The following AFAP1L1 variants were observed in gnomAD, a reference collection of about 807,000 sequenced individuals.
The protein encoded by AFAP1L1 is actin filament-associated protein 1-like 1.
Under a neutral mutation model 99.8 loss-of-function variants are expected in AFAP1L1, and 77 were observed. The ratio of observed to expected loss-of-function variants is 0.77; its 90% CI spans 0.64 to 0.93. The LOEUF (loss-of-function observed/expected upper bound fraction) is 0.93. Ranked by LOEUF, AFAP1L1 falls within the 40% of genes least tolerant of loss-of-function variation. The probability of loss-of-function intolerance (pLI) is 0.00; values close to 1 mark genes in which losing one functional copy is unlikely to be tolerated. For synonymous variants in AFAP1L1, 373 were observed against 395.3 expected (o/e 0.94, Z 0.67); for missense variants, 893 against 996.8 (o/e 0.90, Z 1.40).
chr5:149,342,788 G>A lies in AFAP1L1; in HGVS notation c.*2758G>A, dbSNP rs570826645. On this transcript the variant is annotated 3_prime_UTR_variant, in exon 19 of 19. Coordinates refer to ENST00000296721, the MANE Select transcript of AFAP1L1 (RefSeq NM_152406.4). ...TTAGCTGGGCACGGTGGCACATGCC[G>A]GTAGTCCCAGCTACTTGGGAGGCTG... Among the ~76,000 whole-genome samples the A allele has an allele frequency of 7.9e-5, 12 of 152,268 alleles. No individual in the cohort carries two copies. Among genetic ancestry groups the A allele is most frequent in the South Asian group, 4.1e-4 (2 of 4,824 alleles).
intron 1 of AFAP1L1, among the ~76,000 whole-genome samples, chr5:149,280,680 A>G (rs1398238061): frequency 6.6e-6 from 1 of 152,188 alleles, no homozygotes; most frequent in Non-Finnish European, 1.5e-5. Flanking sequence ...GAAATGTCTC[A>G]TTTTATCTTT....
intron 9 of AFAP1L1, among the ~76,000 whole-genome samples, chr5:149,314,059 C>A (rs1345760034): frequency 6.6e-6 from 1 of 152,116 alleles, no homozygotes; most frequent in East Asian, 1.9e-4. Flanking sequence ...AAGACGGGCA[C>A]CTATGTTGAG....
intron 12 of AFAP1L1, 43 bp from the exon 13 acceptor site, chr5:149,319,539 G>A (rs748282241): frequency 6.4e-7 from 1 of 1,560,688 alleles, no homozygotes; most frequent in East Asian, 2.3e-5. Context: ...CAGGAGCCCT[G>A]ACAGTAGGAA....
At chr5:149,276,624 C>T (rs980649624) in intron 1 of AFAP1L1, 7 of 152,190 alleles carry the variant, frequency 4.6e-5, no homozygotes, top group African/African-American at 1.4e-4. Context: ...TAATACCTAG[C>T]ATAGGGGATC....
rs751769435 is a variant in AFAP1L1, at chr5:149,315,886, C to A, written c.1086C>A (p.Thr362=). The A allele has an allele frequency of 5.6e-6, 9 of 1,614,120 alleles. No homozygotes were observed. Among genetic ancestry groups the A allele is most frequent in the Non-Finnish European group, 7.6e-6 (9 of 1,180,012 alleles). The stretch of plus-strand genomic sequence containing the variant: ...TGGGTGTGGGTGACAACTGTTCTAC[C>A]CTTGGCCGCCGGGAGACCTGTGATC... ...DSVGVGDNCS[T]LGRRETCDHG... Residue 362 remains threonine (T), a synonymous_variant, in exon 10 of 19, where the codon ACC becomes ACA. Coordinates refer to ENST00000296721, the MANE Select transcript of AFAP1L1 (RefSeq NM_152406.4).
rs1262088034 is a variant in AFAP1L1, at chr5:149,320,195, T to C, written c.1626-196T>C. ...GAATTACCTGCCTTGCAGGTTGTTA[T>C]GAGAATCACATTGGTCCTGTCTGTG... On this transcript the variant is annotated intron_variant, in intron 13 of 18. Transcript: ENST00000296721. The surrounding 1 kb of genome is among the most constrained non-coding windows in gnomAD (Gnocchi z 4.0). Among the ~76,000 whole-genome samples, 1 of 152,232 alleles carries C rather than the reference T, an allele frequency of 6.6e-6. No individual in the cohort carries two copies.
chr5:149,315,701 A>G (rs1756770833), intron 9 of AFAP1L1, 120 bp from the exon 10 acceptor site: 1 of 813,422 alleles, frequency 1.2e-6, no homozygotes, highest in Non-Finnish European at 2.1e-6. Flanking sequence ...GTTGCTGACA[A>G]ACATTTGTTA....
At chr5:149,332,570 T>A in intron 16 of AFAP1L1, 125 bp from the exon 17 acceptor site, 1 of 1,023,774 alleles carries the variant, frequency 9.8e-7, no homozygotes, top group Non-Finnish European at 1.4e-6. Flanking sequence ...AGAGTCCATC[T>A]CTTAACCAAG....
chr5:149,285,335 A>G (rs192265882), intron 1 of AFAP1L1, among the ~76,000 whole-genome samples: 358 of 152,288 alleles, frequency 2.4e-3, no homozygotes, highest in Middle Eastern at 0.01. Context: ...CCGCAGCAAC[A>G]TTAGTAATCA....
chr5:149,313,582 C>T (rs1756704863), intron 9 of AFAP1L1, among the ~76,000 whole-genome samples: 1 of 151,238 alleles, frequency 6.6e-6, no homozygotes, highest in African/African-American at 2.5e-5. Context: ...GGATCCTGAG[C>T]ACCTGCTTGA....
chr5:149,304,209 T>G (rs1014468453), intron 5 of AFAP1L1: 6 of 152,212 alleles, frequency 3.9e-5, no homozygotes, highest in Admixed American at 3.3e-4. Context: ...CTTCTTTCCT[T>G]TCTATGGCTG....
chr5:149,288,004 C>T (rs1439547677), intron 1 of AFAP1L1, among the ~76,000 whole-genome samples: 1 of 152,194 alleles, frequency 6.6e-6, no homozygotes, highest in Non-Finnish European at 1.5e-5. Context: ...ATATCATCCA[C>T]ATACCCCTAG....
chr5:149,310,260 T>TAG, intron 8 of AFAP1L1, 125 bp downstream of exon 8: 1 of 1,225,634 alleles, frequency 8.2e-7, no homozygotes, highest in Non-Finnish European at 1.1e-6. Context: ...CCAAGTGCCC[T>TAG]CTGCGTGGCT....
chr5:149,326,097 C>T (rs114429064), intron 15 of AFAP1L1, among the ~76,000 whole-genome samples: 1,677 of 152,306 alleles, frequency 0.011, 14 homozygotes, highest in Admixed American at 0.021. Flanking sequence ...AAAGCTCTTC[C>T]TCGAAAGAAC....
chr5:149,274,435 C>G (rs1331566128), intron 1 of AFAP1L1, among the ~76,000 whole-genome samples: 2 of 152,186 alleles, frequency 1.3e-5, no homozygotes, highest in Non-Finnish European at 2.9e-5. Context: ...CAAAGGCCAT[C>G]TCAAGTAAAG....
intron 1 of AFAP1L1, among the ~76,000 whole-genome samples, chr5:149,277,427 T>C (rs1362667981): frequency 1.3e-5 from 2 of 152,332 alleles, no homozygotes; most frequent in East Asian, 3.9e-4. Flanking sequence ...TTCCCTACAG[T>C]GTCCATTGAC....
Position 149,312,060 on chromosome 5 carries a change from G to A in AFAP1L1, c.928-52G>A. 3.3e-6 allele frequency: 5 copies of A among 1,534,384 alleles called. No homozygotes were observed. The South Asian group carries it at 3.5e-5, about 11-fold the overall frequency. On this transcript the variant is annotated intron_variant, in intron 8 of 18. Transcript: ENST00000296721. ...ACCACACAGTCCCCATTCTTCCTTT[G>A]CATCAACAGCTTCCCTGCCCACCCG...
Position 149,320,501 on chromosome 5 carries a change from GC to G in AFAP1L1, c.1698+40del, listed in dbSNP as rs1561680546. On this transcript the variant is annotated intron_variant, in intron 14 of 18. Coordinates refer to ENST00000296721, the MANE Select transcript of AFAP1L1 (RefSeq NM_152406.4). This position sits in a 1 kb window ranked among gnomAD's most constrained non-coding sequence, Gnocchi z 4.0. ...GGGGCTGCCCAGGAATGTGGCAAAGGCCACTTATTAGCTCTCCCTCTTTCTG... is the reference window on the plus strand; with the variant it reads ...GGGGCTGCCCAGGAATGTGGCAAAGGCACTTATTAGCTCTCCCTCTTTCTG... 1 of 1,584,574 alleles carries G rather than the reference GC, an allele frequency of 6.3e-7. No homozygotes were observed. The highest frequency in any genetic ancestry group is 8.7e-7 in the Non-Finnish European group (1 of 1,153,452).
chr5:149,300,500 C>A, intron 3 of AFAP1L1, 146 bp downstream of exon 3: 1 of 647,736 alleles, frequency 1.5e-6, no homozygotes, highest in Non-Finnish European at 2.7e-6. Flanking sequence ...TGGGTTCTGC[C>A]AGCTCTGAAA....
Sources: gnomAD v4.1 joint callset for allele counts (sites outside exome capture counted in the v4.1 genomes callset) on GRCh38, gnomAD v4.1.1 for gene constraint, Gnocchi (gnomAD v3.1) non-coding constraint, MANE v1.5 for transcripts, NCBI Gene and HGNC (gene_info 2026-07-23, HGNC 2026-07-21) for gene names.